RALYL: variants seen among roughly 807,000 people sequenced by gnomAD.
The protein encoded by RALYL is RALY RNA binding protein like, also known as RNA-binding Raly-like protein.
In RALYL, 29 loss-of-function variants were observed where a neutral mutation model predicts 35.1. That is an observed-to-expected ratio of 0.83 (90% CI 0.61 to 1.13). RALYL has a LOEUF of 1.13. RALYL is among the 50% of genes most tolerant of loss of function. The probability of loss-of-function intolerance (pLI) is 0.00; values close to 1 mark genes in which losing one functional copy is unlikely to be tolerated. For synonymous variants in RALYL, 120 were observed against 127.6 expected (o/e 0.94, Z 0.40); for missense variants, 359 against 360.4 (o/e 1.00, Z 0.03).
chr8:84,662,840 A>G (rs1003702025), intron 2 of RALYL, among the ~76,000 whole-genome samples: 3 of 152,096 alleles, frequency 2.0e-5, no homozygotes, highest in African/African-American at 4.8e-5. Flanking sequence ...TGGATTTTGA[A>G]CTTTTAAGTT....
At chr8:84,555,036 T>C (rs569669624) in intron 2 of RALYL, among the ~76,000 whole-genome samples, 1 of 152,228 alleles carries the variant, frequency 6.6e-6, no homozygotes, top group East Asian at 1.9e-4. Context: ...ATCCCAGCAC[T>C]TTGGGAGGCT....
chr8:84,391,217 G>A (rs1249357888), intron 1 of RALYL, among the ~76,000 whole-genome samples: 1 of 151,984 alleles, frequency 6.6e-6, no homozygotes, highest in Non-Finnish European at 1.5e-5. Context: ...GCATTTGAGA[G>A]GCCAGAGGTG....
At chr8:84,829,400 G>T in intron 4 of RALYL, 1 of 155,058 alleles carries the variant, frequency 6.4e-6, no homozygotes, top group South Asian at 2.0e-4. Context: ...GAAATAACTG[G>T]AGCATATATA....
chr8:84,726,587 G>T (rs1161936560), intron 2 of RALYL, among the ~76,000 whole-genome samples: 1 of 151,496 alleles, frequency 6.6e-6, no homozygotes, highest in Non-Finnish European at 1.5e-5. Flanking sequence ...ACATTTAAAA[G>T]AAACCATGCA....
At chr8:84,706,830 A>G (rs547155298) in intron 2 of RALYL, among the ~76,000 whole-genome samples, 1 of 152,300 alleles carries the variant, frequency 6.6e-6, no homozygotes, top group South Asian at 2.1e-4. Context: ...ACCTCTCTCT[A>G]GTAAGTTTAA....
At chr8:84,355,622 TG>T (rs1210826541) in intron 1 of RALYL, among the ~76,000 whole-genome samples, 1 of 150,204 alleles carries the variant, frequency 6.7e-6, no homozygotes, top group African/African-American at 2.5e-5. Flanking sequence ...ATAAAGAGAA[TG>T]TGGTAGAGGG....
intron 1 of RALYL, among the ~76,000 whole-genome samples, chr8:84,187,314 AAG>A (rs1211607452): frequency 6.6e-6 from 1 of 152,154 alleles, no homozygotes; most frequent in East Asian, 1.9e-4. Flanking sequence ...GATATAAAGA[AAG>A]AAAGTTCTAG....
Position 84,867,843 on chromosome 8 carries a change from G to T in RALYL, c.571+5390G>T, listed in dbSNP as rs894835562. Among the ~76,000 whole-genome samples, 8 of 152,204 alleles carry T rather than the reference G, an allele frequency of 5.3e-5. No homozygotes were observed. In the East Asian group the frequency reaches 1.2e-3, roughly 22 times the overall value. The stretch of plus-strand genomic sequence containing the variant: ...GTACTAATTTTCCATTGACGAAATA[G>T]ACATGAGCCCTGAGGAACTATTTCA... On this transcript the variant is annotated intron_variant, in intron 6 of 8. Transcript: ENST00000521268.
At chr8:84,849,379 A>T (rs1049395406) in intron 4 of RALYL, among the ~76,000 whole-genome samples, 3 of 152,292 alleles carry the variant, frequency 2.0e-5, no homozygotes, top group African/African-American at 7.2e-5. Flanking sequence ...TGAATGGGTT[A>T]TTAAACCTTT....
chr8:84,873,192 T>G, intron 6 of RALYL, 92 bp from the exon 7 acceptor site: 7 of 607,196 alleles, frequency 1.2e-5, no homozygotes, highest in South Asian at 2.4e-5. Flanking sequence ...GACACAGACT[T>G]GAGAAAATAC....
At chr8:84,916,974 C>G (rs886100882) in intron 8 of RALYL, among the ~76,000 whole-genome samples, 4 of 151,868 alleles carry the variant, frequency 2.6e-5, no homozygotes, top group Admixed American at 6.6e-5. Flanking sequence ...TTTTCCTTTT[C>G]CTTTTATGAT....
At chr8:84,251,690 G>A (rs1462577705) in intron 1 of RALYL, among the ~76,000 whole-genome samples, 1 of 152,028 alleles carries the variant, frequency 6.6e-6, no homozygotes, top group Non-Finnish European at 1.5e-5. Flanking sequence ...TTCACAATCT[G>A]AAAATATTTG....
At chr8:84,334,526 A>G (rs1264041661) in intron 1 of RALYL, among the ~76,000 whole-genome samples, 1 of 151,224 alleles carries the variant, frequency 6.6e-6, no homozygotes, top group East Asian at 1.9e-4. Context: ...ATATATAATT[A>G]AATAATTACA....
chr8:84,812,022 T>A (rs924493221), intron 4 of RALYL, among the ~76,000 whole-genome samples: 4 of 152,116 alleles, frequency 2.6e-5, no homozygotes, highest in African/African-American at 9.7e-5. Context: ...TTCTTCTTGG[T>A]TTGGATCCAT....
At chr8:84,570,200 G>A (rs1452719162) in intron 2 of RALYL, among the ~76,000 whole-genome samples, 1 of 151,812 alleles carries the variant, frequency 6.6e-6, no homozygotes, top group Non-Finnish European at 1.5e-5. Flanking sequence ...TAACAATATT[G>A]ATACTTTCAA....
intron 2 of RALYL, among the ~76,000 whole-genome samples, chr8:84,742,878 C>A (rs557724149): frequency 1.3e-5 from 2 of 151,930 alleles, no homozygotes; most frequent in South Asian, 2.1e-4. Context: ...GTCCTAATTT[C>A]TTTGTGCTCA....
At chr8:84,880,883 A>G (rs1394214477) in intron 7 of RALYL, among the ~76,000 whole-genome samples, 1 of 151,994 alleles carries the variant, frequency 6.6e-6, no homozygotes, top group Non-Finnish European at 1.5e-5. Flanking sequence ...CAGGAATAAA[A>G]CAAAACTAGG....
chr8:84,745,266 A>G (rs553983697), intron 2 of RALYL, among the ~76,000 whole-genome samples: 2 of 152,090 alleles, frequency 1.3e-5, no homozygotes, highest in South Asian at 4.2e-4. Context: ...CTTCTTCAAG[A>G]CGAACTGCCA....
intron 2 of RALYL, among the ~76,000 whole-genome samples, chr8:84,767,118 G>A (rs1027854206): frequency 2.0e-5 from 3 of 152,136 alleles, no homozygotes; most frequent in Non-Finnish European, 4.4e-5. Context: ...ACCTTTAATA[G>A]TATGCTTACA....
Sources: allele counts gnomAD v4.1 joint callset (sites outside exome capture counted in the v4.1 genomes callset), GRCh38; gene constraint gnomAD v4.1.1; transcripts MANE v1.5; gene names NCBI Gene and HGNC (gene_info 2026-07-23, HGNC 2026-07-21).